Variants in ANKRD36B observed in about 807,000 individuals in gnomAD.
ANKRD36B encodes the protein ankyrin repeat domain 36B.
Under a neutral mutation model 135.7 loss-of-function variants are expected in ANKRD36B, and 37 were observed. The observed-to-expected ratio is 0.27, with a 90% CI of 0.21 to 0.36. The LOEUF is 0.36. Among genes scored for constraint, ANKRD36B ranks in the 10% least tolerant of loss-of-function variants. ANKRD36B has a pLI of 1.00. For missense variants in ANKRD36B, 549 were observed against 1,037.1 expected, an observed-to-expected ratio of 0.53 and a Z score of 6.46; for synonymous variants, 179 against 348.1, an observed-to-expected ratio of 0.51 and a Z score of 5.41.
rs967735127 is a variant in ANKRD36B, at chr2:97,585,170, A to G, written c.277-53T>C. The G allele has an allele frequency of 7.4e-6, 12 of 1,613,220 alleles. No individual in the cohort carries two copies. In the African/African-American group the frequency reaches 1.6e-4, roughly 22 times the overall value. On this transcript the variant is annotated intron_variant, in intron 2 of 43. Transcript: ENST00000359901. The stretch of plus-strand genomic sequence containing the variant: ...AAATACTGAAAAAATCAAAATAAAC[A>G]CTCCGTAGGATTTCCTACTAGTTAT...
Position 97,524,093 on chromosome 2 carries a change from C to T in ANKRD36B, c.2266-626G>A, listed in dbSNP as rs1462346968. 3.3e-5 allele frequency: 3 copies of T among 90,188 alleles called. 1 individual carries two copies. Among genetic ancestry groups the T allele is most frequent in the East Asian group, 2.4e-4 (1 of 4,222 alleles). The allele number at this position is 90,188 out of a possible 1,614,324, so 5.6% of individuals were successfully genotyped here. A position where few individuals can be genotyped will look rare whatever the true frequency, so the allele number is the denominator to read the frequency against. ...TTTTATGCTTTCATATTTATTTGCA[C>T]TACAGTTGTCACATAACGGCTTCTG... On this transcript the variant is annotated intron_variant, in intron 35 of 43. Transcript: ENST00000359901.
At chr2:97,579,405 G>A (rs1573055602) in intron 4 of ANKRD36B, among the ~76,000 whole-genome samples, 2 of 143,226 alleles carry the variant, frequency 1.4e-5, no homozygotes, top group African/African-American at 5.0e-5. Flanking sequence ...CAGCTGAAGG[G>A]TCAGATAAGA....
chr2:97,579,835 T>TAA (rs1553547594), intron 4 of ANKRD36B, among the ~76,000 whole-genome samples: 1 of 152,082 alleles, frequency 6.6e-6, no homozygotes, highest in Non-Finnish European at 1.5e-5. Context: ...TATATATATA[T>TAA]AATGTTACTT....
intron 12 of ANKRD36B, among the ~76,000 whole-genome samples, chr2:97,555,570 T>C (rs772310214): frequency 6.6e-6 from 1 of 151,924 alleles, no homozygotes; most frequent in Admixed American, 6.6e-5. Flanking sequence ...GAGCAACTCA[T>C]ACACCTGAGA....
At chr2:97,549,720 C>A in intron 18 of ANKRD36B, 106 bp from the exon 19 acceptor site, 1 of 1,553,602 alleles carries the variant, frequency 6.4e-7, no homozygotes. Flanking sequence ...CCTGTATTAG[C>A]GTAGGCTTTG....
chr2:97,535,543 A>G (rs1430523527), intron 34 of ANKRD36B, among the ~76,000 whole-genome samples: 1 of 118,182 alleles, frequency 8.5e-6, no homozygotes, highest in Non-Finnish European at 2.2e-5. Context: ...CGATTGGCTT[A>G]ATATAATAAG....
chr2:97,546,874 T>C (rs1472080348), intron 22 of ANKRD36B, among the ~76,000 whole-genome samples: 2 of 151,696 alleles, frequency 1.3e-5, no homozygotes, highest in East Asian at 3.9e-4. Flanking sequence ...TGCCTCCTAG[T>C]AACAAAGAGG....
Position 97,531,367 on chromosome 2 carries a change from G to C in ANKRD36B, c.2265+944C>G, listed in dbSNP as rs180845404. ...TGGGAATTGAACAACGAGAACACGTGGACACAGGAAGGGGAACATCACACT... is the reference window on the plus strand; with the variant it reads ...TGGGAATTGAACAACGAGAACACGTCGACACAGGAAGGGGAACATCACACT... On this transcript the variant is annotated intron_variant, in intron 35 of 43. Coordinates refer to ENST00000359901, the MANE Select transcript of ANKRD36B (RefSeq NM_001393939.1). 2.0e-4 allele frequency among the ~76,000 whole-genome samples: 12 copies of C among 60,524 alleles called. No individual in the cohort carries two copies. The East Asian group carries it at 4.5e-3, about 23-fold the overall frequency. The allele number at this position is 60,524 out of a possible 152,430, so 39.7% of individuals were successfully genotyped here. A position where few individuals can be genotyped will look rare whatever the true frequency, so the allele number is the denominator to read the frequency against.
At position 97,540,040 on chromosome 2, in the gene ANKRD36B, C is replaced by A; in HGVS notation, c.1981G>T (p.Gly661Trp). ...ATGTGTTTTGTAAAATTACCTGTCCCAGATTTTTCTCCATCCTTTATTTCT... is the reference window on the plus strand; with the variant it reads ...ATGTGTTTTGTAAAATTACCTGTCCAAGATTTTTCTCCATCCTTTATTTCT... Reference protein sequence around the residue: ...AREIKDGEKSGTVSPQKQSAQ... With the variant: ...AREIKDGEKSWTVSPQKQSAQ... The change falls in exon 30 of 44, where the codon GGG becomes TGG. Residue 661 changes from glycine to tryptophan, a missense_variant. Gly to Trp is a radical substitution (Grantham distance 184). Transcript: ENST00000359901. 2 of 930,084 alleles carry A rather than the reference C, an allele frequency of 2.2e-6. 1 individual carries two copies. Among genetic ancestry groups the A allele is most frequent in the Non-Finnish European group, 3.2e-6 (2 of 622,452 alleles). 57.6% of individuals were successfully genotyped at this position (930,084 alleles called of 1,614,324 possible).
chr2:97,546,168 CA>C, intron 22 of ANKRD36B, among the ~76,000 whole-genome samples: 1 of 151,802 alleles, frequency 6.6e-6, no homozygotes, highest in South Asian at 2.1e-4. Context: ...GATCTAAAAT[CA>C]GAGGAGCAAC....
At position 97,589,590 on chromosome 2, in the gene ANKRD36B, A is replaced by G. The variant is rs2083278877; in HGVS notation, c.96T>C (p.Asn32=). Residue 32 remains asparagine (N), a synonymous_variant, in exon 1 of 44, where the codon AAT becomes AAC. Coordinates refer to ENST00000359901, the MANE Select transcript of ANKRD36B (RefSeq NM_001393939.1). ...GCAGAAGGTACTTCAGTTTCTCCAG[A>G]TTACCACGTAAGACAGCTCTGTGGA... ...KRIHRAVLRG[N]LEKLKYLLLT... 6.2e-7 allele frequency: 1 copy of G among 1,613,808 alleles called. No individual in the cohort carries two copies. The highest frequency in any genetic ancestry group is 8.5e-7 in the Non-Finnish European group (1 of 1,179,908).
intron 26 of ANKRD36B, among the ~76,000 whole-genome samples, chr2:97,543,062 A>G (rs1237772278): frequency 1.3e-5 from 2 of 152,024 alleles, no homozygotes; most frequent in Non-Finnish European, 2.9e-5. Context: ...TTCATATTCA[A>G]GTTTATCTAA....
intron 6 of ANKRD36B, among the ~76,000 whole-genome samples, chr2:97,574,419 G>A (rs1279299044): frequency 6.6e-6 from 1 of 152,142 alleles, no homozygotes; most frequent in African/African-American, 2.4e-5. Context: ...GGAGAAATAG[G>A]AACACTTTTA....
At chr2:97,541,481 C>A (rs2079147413) in intron 28 of ANKRD36B, among the ~76,000 whole-genome samples, 1 of 96,676 alleles carries the variant, frequency 1.0e-5, no homozygotes, top group South Asian at 2.3e-4. Flanking sequence ...ATTGCTACTT[C>A]AGTGATCTTG....
At chr2:97,551,233 G>T in intron 18 of ANKRD36B, 56 bp downstream of exon 18, 5 of 1,533,118 alleles carry the variant, frequency 3.3e-6, no homozygotes, top group Admixed American at 3.9e-5. Flanking sequence ...TTTATTCGGG[G>T]AAGAGAACTT....
chr2:97,521,790 C>T (rs2077960271), intron 36 of ANKRD36B, among the ~76,000 whole-genome samples: 1 of 95,208 alleles, frequency 1.1e-5, no homozygotes, highest in African/African-American at 3.1e-5. Context: ...TTGCTTTTGA[C>T]TCAAACACTG....
At chr2:97,587,844 A>G (rs1247036498) in intron 1 of ANKRD36B, among the ~76,000 whole-genome samples, 6 of 152,228 alleles carry the variant, frequency 3.9e-5, no homozygotes, top group African/African-American at 1.4e-4. Context: ...TAACTTAAAT[A>G]CCTTCTCCTC....
At chr2:97,569,406 CA>C (rs1190773024) in intron 6 of ANKRD36B, among the ~76,000 whole-genome samples, 1 of 151,998 alleles carries the variant, frequency 6.6e-6, no homozygotes, top group Non-Finnish European at 1.5e-5. Context: ...TAGTAGTTGA[CA>C]GGGGTTAATT....
chr2:97,584,850 G>C, intron 3 of ANKRD36B, 94 bp downstream of exon 3: 1 of 620,574 alleles, frequency 1.6e-6, no homozygotes, highest in Admixed American at 3.1e-5. Context: ...AGGAATGTTT[G>C]AGCTTCCAAA....
Sources: gnomAD v4.1 joint callset for allele counts (sites outside exome capture counted in the v4.1 genomes callset) on GRCh38, gnomAD v4.1.1 for gene constraint, MANE v1.5 for transcripts, NCBI Gene and HGNC (gene_info 2026-07-23, HGNC 2026-07-21) for gene names.